METTL2B: variants seen among roughly 807,000 people sequenced by gnomAD.
METTL2B encodes methyltransferase 2B, tRNA N3-cytidine, also known as tRNA N(3)-cytidine methyltransferase METTL2B.
Under a neutral mutation model 51.0 loss-of-function variants are expected in METTL2B, and 28 were observed. The ratio of observed to expected loss-of-function variants is 0.55; its 90% CI spans 0.41 to 0.75. METTL2B has a LOEUF of 0.75. METTL2B is among the 30% of genes least tolerant of loss of function. The pLI, the probability that METTL2B is intolerant of heterozygous loss-of-function variation, is 0.00. For missense variants in METTL2B, 313 were observed against 460.7 expected, an observed-to-expected ratio of 0.68 and a Z score of 2.93; for synonymous variants, 128 against 166.3, an observed-to-expected ratio of 0.77 and a Z score of 1.77.
At position 128,477,242 on chromosome 7, in the gene METTL2B, C is replaced by G. The variant is rs1363133173; in HGVS notation, c.202+69C>G. On this transcript the variant is annotated intron_variant, in intron 2 of 8. Transcript: ENST00000262432. ...TGCCGAACGCGCCCTCCCGGAGAGG[C>G]CAGGGAACCGCGGCCGCCCACATCC... 9 of 1,597,208 alleles carry G rather than the reference C, an allele frequency of 5.6e-6. No individual in the cohort carries two copies. The East Asian group carries it at 2.0e-4, about 36-fold the overall frequency.
chr7:128,485,256 G>A (rs1792677102), intron 4 of METTL2B, among the ~76,000 whole-genome samples: 1 of 152,188 alleles, frequency 6.6e-6, no homozygotes, highest in African/African-American at 2.4e-5. Flanking sequence ...GTATAGGCCA[G>A]GCGCAGTGGC....
At chr7:128,494,310 T>C (rs930482409) in intron 6 of METTL2B, among the ~76,000 whole-genome samples, 1 of 152,190 alleles carries the variant, frequency 6.6e-6, no homozygotes, top group Non-Finnish European at 1.5e-5. Flanking sequence ...GACCTTGATA[T>C]TAGAGTTGGG....
chr7:128,491,736 T>G (rs1206639032), intron 5 of METTL2B, among the ~76,000 whole-genome samples: 1 of 122,296 alleles, frequency 8.2e-6, no homozygotes, highest in Non-Finnish European at 1.6e-5. Flanking sequence ...CACTCCAGCC[T>G]GGGCAACAGA....
rs1793047420 is a variant in METTL2B at position 128,502,508 on chromosome 7, AATCAG to A, written c.*600_*604del. The stretch of plus-strand genomic sequence containing the variant: ...GTTGTAGGGGAAGCAAGCTGGGAAG[AATCAG>A]ATCAGATATTTTCCTGACAAGAAAA... On this transcript the variant is annotated 3_prime_UTR_variant, in exon 9 of 9. Transcript: ENST00000262432. The A allele has an allele frequency of 1.2e-5, 5 of 432,306 alleles. No homozygotes were observed. In the East Asian group the frequency reaches 3.6e-4, roughly 31 times the overall value. 26.8% of individuals were successfully genotyped at this position (432,306 alleles called of 1,614,324 possible). A position where few individuals can be genotyped will look rare whatever the true frequency, so the allele number is the denominator to read the frequency against.
At chr7:128,501,332 G>T in intron 8 of METTL2B, 4 of 985,444 alleles carry the variant, frequency 4.1e-6, no homozygotes, top group Non-Finnish European at 4.8e-6. Context: ...TTCTAGGGGT[G>T]CCGGGAACTG....
chr7:128,495,999 G>A (rs1792917097), intron 6 of METTL2B, among the ~76,000 whole-genome samples: 4 of 152,184 alleles, frequency 2.6e-5, no homozygotes, highest in Non-Finnish European at 5.9e-5. Flanking sequence ...GTCAAGGTAA[G>A]CTGGTGTTAG....
At chr7:128,491,264 C>A (rs966167538) in intron 5 of METTL2B, among the ~76,000 whole-genome samples, 2 of 151,792 alleles carry the variant, frequency 1.3e-5, no homozygotes, top group Non-Finnish European at 2.9e-5. Flanking sequence ...CAAGACCAGC[C>A]TGGCCAACAT....
chr7:128,494,878 A>G (rs1406363598), intron 6 of METTL2B, among the ~76,000 whole-genome samples: 1 of 150,438 alleles, frequency 6.6e-6, no homozygotes. Context: ...GCTTGCCTCA[A>G]CCTCGCAAAA....
chr7:128,480,527 C>T, intron 3 of METTL2B, 120 bp from the exon 4 acceptor site: 1 of 1,481,858 alleles, frequency 6.7e-7, no homozygotes, highest in South Asian at 1.3e-5. Context: ...GCTCTGGTCA[C>T]TACACCTTCC....
In METTL2B at chr7:128,504,217, G is replaced by GTTTTTTTTTTTTTTGAGACGGAGTT. The variant is rs1793080203; in HGVS notation, c.*2302_*2303insTTTTTTTTTTTTTGAGACGGAGTTT. 6.6e-6 allele frequency: 1 copy of GTTTTTTTTTTTTTTGAGACGGAGTT among 151,994 alleles called. No homozygotes were observed. The highest frequency in any genetic ancestry group is 1.5e-5 in the Non-Finnish European group (1 of 68,018). The allele number at this position is 151,994 out of a possible 1,614,324, so 9.4% of individuals were successfully genotyped here. A position where few individuals can be genotyped will look rare whatever the true frequency, so the allele number is the denominator to read the frequency against. On this transcript the variant is annotated 3_prime_UTR_variant, in exon 9 of 9. Transcript: ENST00000262432. Reference sequence around the variant, plus strand: ...ACCCAGTAGTCCCAATAATAGCTTTGTCACACAAAAACATGATTATGTTGG... The same window carrying GTTTTTTTTTTTTTTGAGACGGAGTT: ...ACCCAGTAGTCCCAATAATAGCTTTGTTTTTTTTTTTTTTGAGACGGAGTTTCACACAAAAACATGATTATGTTGG...
rs1793019290 is a variant in METTL2B, at chr7:128,501,038, G to C, written c.982+70G>C. ...ATGGTCTTCAAGGCACATTCAGAAG[G>C]AAAACTATCTGGCCCCTCCTGCCTT... On this transcript the variant is annotated intron_variant, in intron 8 of 8. Transcript: ENST00000262432. The C allele has an allele frequency of 1.1e-5, 18 of 1,604,766 alleles. No homozygotes were observed. In the South Asian group the frequency reaches 2.0e-4, roughly 18 times the overall value.
At chr7:128,499,781 A>G (rs181716183) in intron 7 of METTL2B, among the ~76,000 whole-genome samples, 22 of 152,236 alleles carry the variant, frequency 1.4e-4, no homozygotes, top group Admixed American at 1.4e-3. Flanking sequence ...TCGGCCTCCC[A>G]AAGTCCTGGG....
In METTL2B at chr7:128,503,290, A is replaced by G. The variant is rs937484776; in HGVS notation, c.*1374A>G. On this transcript the variant is annotated 3_prime_UTR_variant, in exon 9 of 9. Transcript: ENST00000262432. ...GGAAGACTCTGTCTCAAAAAAATAA[A>G]AGAAAAGAATTTTCACTTTTTGCAA... The G allele has an allele frequency of 6.8e-6, 1 of 147,768 alleles. No individual in the cohort carries two copies. The highest frequency in any genetic ancestry group is 6.6e-5 in the Admixed American group (1 of 15,110). 9.2% of individuals were successfully genotyped at this position (147,768 alleles called of 1,614,324 possible).
rs1217904465 is a variant in METTL2B at position 128,479,339 on chromosome 7, C to T, written c.384C>T (p.Asn128=). The change falls in exon 3 of 9, where the codon AAC becomes AAT. Residue 128 remains asparagine (N), a synonymous_variant. Transcript: ENST00000262432. ...AGAGTGAAGTATGTGAATGTAGAAA[C>T]AATGAGGATGGACCTGGTTTAATAA... The part of the protein sequence containing the change: ...ENKSEVCECR[N]NEDGPGLIME... 1 of 1,614,082 alleles carries T rather than the reference C, an allele frequency of 6.2e-7. No individual in the cohort carries two copies. The highest frequency in any genetic ancestry group is 8.5e-7 in the Non-Finnish European group (1 of 1,180,048).
rs1793071848 is a variant in METTL2B, at chr7:128,503,669, A to C, written c.*1753A>C. Reference sequence around the variant, plus strand: ...TTTTTACATATTTCTGTCTTGATCCATGCAGTTATAGGATATATCCTTAAT... The same window carrying C: ...TTTTTACATATTTCTGTCTTGATCCCTGCAGTTATAGGATATATCCTTAAT... On this transcript the variant is annotated 3_prime_UTR_variant, in exon 9 of 9. Transcript: ENST00000262432. The C allele has an allele frequency of 6.6e-6, 1 of 151,958 alleles. No individual in the cohort carries two copies. Among genetic ancestry groups the C allele is most frequent in the Non-Finnish European group, 1.5e-5 (1 of 67,990 alleles). 9.4% of individuals were successfully genotyped at this position (151,958 alleles called of 1,614,324 possible). A position where few individuals can be genotyped will look rare whatever the true frequency, so the allele number is the denominator to read the frequency against.
intron 4 of METTL2B, among the ~76,000 whole-genome samples, chr7:128,487,468 A>G (rs1792738704): frequency 6.6e-6 from 1 of 152,242 alleles, no homozygotes; most frequent in African/African-American, 2.4e-5. Context: ...AATGTGCTTC[A>G]TAATTGGAAG....
Position 128,501,773 on chromosome 7 carries a change from A to G in METTL2B, c.994A>G (p.Thr332Ala). Residue 332 changes from threonine to alanine, a missense_variant, in exon 9 of 9, where the codon ACG becomes GCG. Thr to Ala is a moderately conservative substitution (Grantham distance 58). Around this residue, in one of 4 missense-constraint regions of METTL2B, gnomAD observed 138 missense variants for 187.6 expected, o/e 0.74. Coordinates refer to ENST00000262432, the MANE Select transcript of METTL2B (RefSeq NM_018396.3). ...VYFFTQEELD[T>A]LFTTAGLEKV... ...ATTTTCCACACTAGAGGAACTGGAC[A>G]CGCTTTTCACCACTGCTGGACTGGA... 6.2e-7 allele frequency: 1 copy of G among 1,614,068 alleles called. No individual in the cohort carries two copies. Among genetic ancestry groups the G allele is most frequent in the Non-Finnish European group, 8.5e-7 (1 of 1,180,010 alleles).
intron 7 of METTL2B, among the ~76,000 whole-genome samples, chr7:128,499,984 C>T (rs1455627117): frequency 2.0e-5 from 3 of 152,188 alleles, no homozygotes; most frequent in Non-Finnish European, 2.9e-5. Context: ...CCCCATACCA[C>T]TGAACTTGGA....
Position 128,500,378 on chromosome 7 carries a change from T to C in METTL2B, c.917-525T>C, listed in dbSNP as rs185168705. On this transcript the variant is annotated intron_variant, in intron 7 of 8. Coordinates refer to ENST00000262432, the MANE Select transcript of METTL2B (RefSeq NM_018396.3). ...GCTCATGCCTTTAATCCCAGCACTT[T>C]GGGAGGCCAAGGCGGGTGGATCACC... Among the ~76,000 whole-genome samples the C allele has an allele frequency of 4.1e-3, 628 of 152,256 alleles. 4 individuals are homozygous for C. Among genetic ancestry groups the C allele is most frequent in the African/African-American group, 0.014 (594 of 41,542 alleles).
Sources: allele counts gnomAD v4.1 joint callset (sites outside exome capture counted in the v4.1 genomes callset), GRCh38; gene constraint gnomAD v4.1.1; regional missense constraint gnomAD v4.1.1; transcripts MANE v1.5; gene names NCBI Gene and HGNC (gene_info 2026-07-23, HGNC 2026-07-21).